The following TRIM5 variants were observed in gnomAD, a reference collection of about 807,000 sequenced individuals.
The protein encoded by TRIM5 is tripartite motif-containing protein 5.
In TRIM5, 31 loss-of-function variants were observed where a neutral mutation model predicts 35.6. The ratio of observed to expected loss-of-function variants is 0.87; its 90% CI spans 0.65 to 1.18. The LOEUF is 1.18. Among genes scored for constraint, TRIM5 ranks in the 50% most tolerant of loss-of-function variants. The probability of loss-of-function intolerance (pLI) is 0.00; values close to 1 mark genes in which losing one functional copy is unlikely to be tolerated. For synonymous variants in TRIM5, 243 were observed against 215.6 expected (o/e 1.13, Z -1.11); for missense variants, 609 against 591.6 (o/e 1.03, Z -0.31).
the TRIM5 span, among the ~76,000 whole-genome samples, chr11:5,636,299 T>C: frequency 6.6e-6 from 1 of 152,196 alleles, no homozygotes; most frequent in African/African-American, 2.4e-5. Flanking sequence ...ATTCCATTTA[T>C]ATGAAAGTCT....
chr11:5,664,758 T>C lies in TRIM5; in HGVS notation c.*51A>G. On this transcript the variant is annotated 3_prime_UTR_variant, in exon 8 of 8. Transcript: ENST00000380034. ...TGCAAATGAGTTCAGGTGTATGAGATGCACCTGGACAAGAGGTGCTGTACA... is the reference window on the plus strand; with the variant it reads ...TGCAAATGAGTTCAGGTGTATGAGACGCACCTGGACAAGAGGTGCTGTACA... 1 of 1,523,094 alleles carries C rather than the reference T, an allele frequency of 6.6e-7. No individual in the cohort carries two copies. The highest frequency in any genetic ancestry group is 1.4e-5 in the African/African-American group (1 of 71,876). 94.3% of individuals were successfully genotyped at this position (1,523,094 alleles called of 1,614,324 possible).
chr11:5,604,775 T>C, the TRIM5 span: 1 of 759,028 alleles, frequency 1.3e-6, no homozygotes, highest in Non-Finnish European at 2.0e-6. Flanking sequence ...CTATATTCCT[T>C]CCAAACAGGG....
the TRIM5 span, among the ~76,000 whole-genome samples, chr11:5,604,196 TAG>T: frequency 6.6e-6 from 1 of 151,824 alleles, no homozygotes; most frequent in Non-Finnish European, 1.5e-5. Context: ...GTGTGTTTAG[TAG>T]AGATGGGGTT....
chr11:5,665,897 T>C (rs1851094136), intron 6 of TRIM5, 84 bp downstream of exon 6: 1 of 1,399,810 alleles, frequency 7.1e-7, no homozygotes, highest in Non-Finnish European at 9.8e-7. Flanking sequence ...TCTATCCATA[T>C]TTGGAAACTG....
the TRIM5 span, among the ~76,000 whole-genome samples, chr11:5,641,757 C>T: frequency 6.6e-6 from 1 of 152,174 alleles, no homozygotes; most frequent in Non-Finnish European, 1.5e-5. Flanking sequence ...AAGTGTAGTC[C>T]TTGTTCCTTG....
At chr11:5,639,638 C>G in the TRIM5 span, among the ~76,000 whole-genome samples, 1 of 131,754 alleles carries the variant, frequency 7.6e-6, no homozygotes, top group Non-Finnish European at 1.6e-5. Context: ...CAAGTTCGCA[C>G]CACTGCACTC....
intron 3 of TRIM5, 106 bp from the exon 4 acceptor site, chr11:5,678,540 A>C (rs1236923184): frequency 1.2e-6 from 1 of 844,796 alleles, no homozygotes; most frequent in Non-Finnish European, 1.8e-6. Flanking sequence ...GAGGGGACAT[A>C]GTAGCAGGAG....
At chr11:5,599,692 C>G in the TRIM5 span, among the ~76,000 whole-genome samples, 1 of 144,454 alleles carries the variant, frequency 6.9e-6, no homozygotes, top group East Asian at 2.0e-4. Flanking sequence ...CTTGGGCCAC[C>G]GCGCCCGGCC....
At chr11:5,605,612 GAAAC>G in the TRIM5 span, 1 of 1,561,444 alleles carries the variant, frequency 6.4e-7, no homozygotes, top group South Asian at 1.2e-5. Context: ...AAGGAAAAGA[GAAAC>G]TAACTTTCCT....
chr11:5,608,530 G>C, the TRIM5 span: 1 of 1,372,740 alleles, frequency 7.3e-7, no homozygotes, highest in Non-Finnish European at 9.7e-7. Flanking sequence ...ATCACATGGA[G>C]TTTTGGCATC....
chr11:5,639,846 G>T, the TRIM5 span, among the ~76,000 whole-genome samples: 2 of 151,838 alleles, frequency 1.3e-5, 1 homozygote, highest in African/African-American at 4.8e-5. Context: ...AGTTTTTATT[G>T]GTACTTAATA....
At chr11:5,635,826 G>A in the TRIM5 span, among the ~76,000 whole-genome samples, 4 of 151,980 alleles carry the variant, frequency 2.6e-5, no homozygotes, top group African/African-American at 9.7e-5. Context: ...CTGGAACAGA[G>A]GTTCCTAAAC....
the TRIM5 span, among the ~76,000 whole-genome samples, chr11:5,601,855 G>C: frequency 6.6e-6 from 1 of 152,112 alleles, no homozygotes. Flanking sequence ...GCTCTATGTG[G>C]AGCAGGGCCG....
At chr11:5,662,866 A>G (rs1013380741), downstream of TRIM5, among the ~76,000 whole-genome samples, 13 of 152,208 alleles carry the variant, frequency 8.5e-5, no homozygotes, top group Non-Finnish European at 1.3e-4. Context: ...ATGGTGGCTC[A>G]CACCTATAAT....
At chr11:5,604,704 C>T in the TRIM5 span, 3 of 1,483,488 alleles carry the variant, frequency 2.0e-6, no homozygotes, top group South Asian at 2.8e-5. Context: ...GCAAAGGAGT[C>T]CTTGTCCTGT....
chr11:5,620,318 C>T, the TRIM5 span, among the ~76,000 whole-genome samples: 3 of 151,760 alleles, frequency 2.0e-5, no homozygotes, highest in African/African-American at 7.3e-5. Flanking sequence ...ACTGGGACTA[C>T]AGGCGCGCGC....
In TRIM5 at chr11:5,674,355, C is replaced by T. The variant is rs116035859; in HGVS notation, c.744+3849G>A. ...AACTAAGAAATAGGGTGGGAGCATA[C>T]AGCATCTGGGTATAACACAGAAAGA... is the stretch of plus-strand genomic sequence containing the variant. On this transcript the variant is annotated intron_variant, in intron 4 of 7. Transcript: ENST00000380034. Among the ~76,000 whole-genome samples, 326 of 152,320 alleles carry T rather than the reference C, an allele frequency of 2.1e-3. 1 individual carries two copies. The highest frequency in any genetic ancestry group is 7.3e-3 in the African/African-American group (305 of 41,568).
At chr11:5,610,119 G>A in the TRIM5 span, 1 of 1,613,228 alleles carries the variant, frequency 6.2e-7, no homozygotes, top group African/African-American at 1.3e-5. Context: ...AGCAGTGTGG[G>A]AACTCAGAAG....
the TRIM5 span, among the ~76,000 whole-genome samples, chr11:5,640,411 A>G: frequency 6.6e-6 from 1 of 151,222 alleles, no homozygotes; most frequent in Non-Finnish European, 1.5e-5. Flanking sequence ...TTCATCCTTT[A>G]TTTTATTAAT....
Sources: gnomAD v4.1 joint callset for allele counts (sites outside exome capture counted in the v4.1 genomes callset) on GRCh38, gnomAD v4.1.1 for gene constraint, MANE v1.5 for transcripts, NCBI Gene and HGNC (gene_info 2026-07-23, HGNC 2026-07-21) for gene names.